PDGFRA: variants seen among roughly 807,000 people sequenced by gnomAD.
PDGFRA encodes platelet derived growth factor receptor alpha.
Under a neutral mutation model 121.5 loss-of-function variants are expected in PDGFRA, and 25 were observed. That is an observed-to-expected ratio of 0.21 (90% CI 0.15 to 0.29). PDGFRA has a LOEUF of 0.29. Among genes scored for constraint, PDGFRA ranks in the 10% least tolerant of loss-of-function variants. The pLI, the probability that PDGFRA is intolerant of heterozygous loss-of-function variation, is 1.00. For missense variants in PDGFRA, 1,008 were observed against 1,345.1 expected, an observed-to-expected ratio of 0.75 and a Z score of 3.92; for synonymous variants, 463 against 494.8, an observed-to-expected ratio of 0.94 and a Z score of 0.85.
At chr4:54,261,916 TATATATATATATATA>T (rs1231316261) in intron 3 of PDGFRA, among the ~76,000 whole-genome samples, 4,007 of 69,808 alleles carry the variant, frequency 0.057, 245 homozygotes, top group African/African-American at 0.15. Context: ...TATATATATA[TATATATATATATATA>T]TTTTTTTTTT....
At chr4:54,267,957 T>G (rs1319735678) in intron 7 of PDGFRA, among the ~76,000 whole-genome samples, 2 of 152,074 alleles carry the variant, frequency 1.3e-5, no homozygotes, top group African/African-American at 4.8e-5. Flanking sequence ...AAGAAAGAAC[T>G]AAAAGCTCTG....
intron 22 of PDGFRA, among the ~76,000 whole-genome samples, chr4:54,293,366 C>T (rs1033871507): frequency 4.6e-5 from 7 of 151,648 alleles, no homozygotes; most frequent in African/African-American, 1.7e-4. Context: ...AAGAGGTATG[C>T]ACTGTCCAGT....
chr4:54,259,072 T>C (rs900889066), intron 2 of PDGFRA, among the ~76,000 whole-genome samples: 1 of 152,208 alleles, frequency 6.6e-6, no homozygotes, highest in African/African-American at 2.4e-5. Context: ...GAAATGTTGT[T>C]AGTAATAATG....
chr4:54,256,513 C>T (rs192252379), intron 1 of PDGFRA, among the ~76,000 whole-genome samples: 16 of 150,624 alleles, frequency 1.1e-4, no homozygotes, highest in Admixed American at 1.1e-3. Flanking sequence ...GCTGCGATTA[C>T]AGGCATGAAC....
In PDGFRA at chr4:54,267,532, G is replaced by A. The variant is rs1248540620; in HGVS notation, c.932-20G>A. On this transcript the variant is annotated intron_variant, in intron 6 of 22. Transcript: ENST00000257290. ...CCATATGTGGTAATCATTATTTAATGGAAACTCTTCCCTGTACAGAGAAAG... is the reference window on the plus strand; with the variant it reads ...CCATATGTGGTAATCATTATTTAATAGAAACTCTTCCCTGTACAGAGAAAG... 1 of 1,613,856 alleles carries A rather than the reference G, an allele frequency of 6.2e-7. No individual in the cohort carries two copies. Among genetic ancestry groups the A allele is most frequent in the East Asian group, 2.2e-5 (1 of 44,884 alleles).
At chr4:54,279,202 T>G (rs988341017) in intron 15 of PDGFRA, among the ~76,000 whole-genome samples, 1 of 152,182 alleles carries the variant, frequency 6.6e-6, no homozygotes, top group Non-Finnish European at 1.5e-5. Flanking sequence ...GACTTACAGG[T>G]CCATGGGAGC....
intron 1 of PDGFRA, among the ~76,000 whole-genome samples, chr4:54,255,510 T>C (rs1722311032): frequency 6.6e-6 from 1 of 150,772 alleles, no homozygotes; most frequent in African/African-American, 2.4e-5. Context: ...CCCTTTCTTT[T>C]TTTTTTTTTT....
chr4:54,268,015 G>A (rs1416157587), intron 7 of PDGFRA, among the ~76,000 whole-genome samples: 2 of 152,148 alleles, frequency 1.3e-5, no homozygotes, highest in African/African-American at 2.4e-5. Flanking sequence ...GTGGAAGAAA[G>A]GAAGTAAAAT....
chr4:54,277,144 C>A, intron 12 of PDGFRA: 1 of 538,762 alleles, frequency 1.9e-6, no homozygotes, highest in Non-Finnish European at 3.4e-6. Context: ...AGGGCTGCAC[C>A]CTCCTTTCTC....
chr4:54,285,082 G>A (rs1170291675), intron 16 of PDGFRA, among the ~76,000 whole-genome samples: 1 of 151,366 alleles, frequency 6.6e-6, no homozygotes, highest in East Asian at 1.9e-4. Context: ...TATTAGTAGA[G>A]ATAGGGTTTT....
chr4:54,268,263 T>G (rs1442679963), intron 7 of PDGFRA, among the ~76,000 whole-genome samples: 1 of 152,198 alleles, frequency 6.6e-6, no homozygotes, highest in African/African-American at 2.4e-5. Context: ...GATCCCTACC[T>G]TTTAATCAGA....
intron 8 of PDGFRA, among the ~76,000 whole-genome samples, chr4:54,271,947 T>C (rs1723398819): frequency 2.0e-5 from 1 of 51,140 alleles, no homozygotes; most frequent in Non-Finnish European, 3.8e-5. Flanking sequence ...CTTCCTTCCT[T>C]CCTTCATTCT....
At chr4:54,256,830 T>C (rs576094544) in intron 1 of PDGFRA, among the ~76,000 whole-genome samples, 83 of 151,822 alleles carry the variant, frequency 5.5e-4, no homozygotes, top group African/African-American at 1.4e-3. Flanking sequence ...CTGGACAACA[T>C]AGTGAGACCT....
rs121908587 is a variant in PDGFRA, at chr4:54,278,380, C to G, written c.2021C>G (p.Thr674Arg). 1 of 1,613,648 alleles carries G rather than the reference C, an allele frequency of 6.2e-7. No homozygotes were observed. The highest frequency in any genetic ancestry group is 8.5e-7 in the Non-Finnish European group (1 of 1,179,690). The change falls in exon 15 of 23, where the codon ACA (threonine) becomes AGA (arginine). Residue 674 changes from threonine (T) to arginine (R), a missense_variant. Thr to Arg is a moderately conservative substitution (Grantham distance 71, BLOSUM62 -1). This residue lies in a region of PDGFRA where 128 missense variants were observed against 147.6 expected (regional missense o/e 0.87). Coordinates refer to ENST00000257290, the MANE Select transcript of PDGFRA (RefSeq NM_006206.6). ...CCCATAGGCCCCATTTACATCATCACAGAGTATTGCTTCTATGGAGATTTG... is the reference window on the plus strand; with the variant it reads ...CCCATAGGCCCCATTTACATCATCAGAGAGTATTGCTTCTATGGAGATTTG... ...CTKSGPIYII[T>R]EYCFYGDLVN... is the part of the protein sequence containing the mutation.
chr4:54,272,566 C>T, intron 9 of PDGFRA, 46 bp downstream of exon 9: 2 of 1,597,824 alleles, frequency 1.3e-6, no homozygotes, highest in Middle Eastern at 1.7e-4. Flanking sequence ...CAGAATATTT[C>T]TCCCTTGACA....
intron 1 of PDGFRA, among the ~76,000 whole-genome samples, chr4:54,258,248 G>T (rs2110233643): frequency 6.6e-6 from 1 of 152,200 alleles, no homozygotes. Flanking sequence ...CCAGGTCTGA[G>T]CCTGGTATGT....
At chr4:54,279,108 C>G (rs1723925119) in intron 15 of PDGFRA, 1 of 293,212 alleles carries the variant, frequency 3.4e-6, no homozygotes, top group African/African-American at 2.2e-5. Context: ...GGCTCAAGTT[C>G]CAACCAAGGC....
intron 1 of PDGFRA, among the ~76,000 whole-genome samples, chr4:54,232,114 C>A (rs1304988086): frequency 6.6e-6 from 1 of 152,236 alleles, no homozygotes; most frequent in Non-Finnish European, 1.5e-5. Flanking sequence ...TTATACGTTG[C>A]TGGTGGAAAA....
chr4:54,285,013 C>T (rs2110334533), intron 16 of PDGFRA, among the ~76,000 whole-genome samples: 1 of 151,798 alleles, frequency 6.6e-6, no homozygotes, highest in Non-Finnish European at 1.5e-5. Flanking sequence ...CCTGCCTCAG[C>T]CTCCTGAGTA....
Sources: allele counts gnomAD v4.1 joint callset (sites outside exome capture counted in the v4.1 genomes callset), GRCh38; gene constraint gnomAD v4.1.1; regional missense constraint gnomAD v4.1.1; transcripts MANE v1.5; gene names NCBI Gene and HGNC (gene_info 2026-07-23, HGNC 2026-07-21).